The following ADAMTSL1 variants were observed in gnomAD, a reference collection of about 807,000 sequenced individuals.
The protein encoded by ADAMTSL1 is ADAMTS like 1, also known as ADAMTS-like protein 1.
A neutral mutation model predicts 201.8 loss-of-function variants in ADAMTSL1; 126 were observed. That is an observed-to-expected ratio of 0.62 (90% confidence interval 0.54 to 0.72). ADAMTSL1 has a LOEUF of 0.72. Ranked by LOEUF, ADAMTSL1 falls within the 30% of genes least tolerant of loss-of-function variation. The probability of loss-of-function intolerance (pLI) is 0.00; values close to 1 mark genes in which losing one functional copy is unlikely to be tolerated. For synonymous variants in ADAMTSL1, 1,121 were observed against 903.4 expected (o/e 1.24, Z -4.32); for missense variants, 2,679 against 2,277.8 (o/e 1.18, Z -3.59).
intron 2 of ADAMTSL1, among the ~76,000 whole-genome samples, chr9:18,185,379 C>T (rs890040404): frequency 6.6e-6 from 1 of 152,088 alleles, no homozygotes; most frequent in East Asian, 1.9e-4. Flanking sequence ...GTAAACACTT[C>T]CCCTGATGAG....
At chr9:17,998,968 C>T (rs1430345260) in intron 1 of ADAMTSL1, among the ~76,000 whole-genome samples, 1 of 151,972 alleles carries the variant, frequency 6.6e-6, no homozygotes, top group Non-Finnish European at 1.5e-5. Context: ...GGTGATGATA[C>T]ACTCTTTCCT....
At chr9:18,828,246 A>G (rs1010220262) in intron 22 of ADAMTSL1, among the ~76,000 whole-genome samples, 2 of 152,200 alleles carry the variant, frequency 1.3e-5, no homozygotes, top group African/African-American at 4.8e-5. Flanking sequence ...TCCTGGGAAG[A>G]GCAAATGGAC....
intron 1 of ADAMTSL1, among the ~76,000 whole-genome samples, chr9:17,965,324 A>C: frequency 6.6e-6 from 1 of 152,212 alleles, no homozygotes; most frequent in East Asian, 1.9e-4. Context: ...ACCCAAATTT[A>C]GCACATTTTG....
chr9:18,844,262 C>A (rs999983380), intron 23 of ADAMTSL1, among the ~76,000 whole-genome samples: 3 of 152,176 alleles, frequency 2.0e-5, no homozygotes, highest in Non-Finnish European at 4.4e-5. Flanking sequence ...CAGACAGGAC[C>A]CTCAGCTGCA....
At chr9:18,728,081 A>G (rs1587997154) in intron 15 of ADAMTSL1, among the ~76,000 whole-genome samples, 1 of 143,978 alleles carries the variant, frequency 6.9e-6, no homozygotes, top group African/African-American at 2.6e-5. Flanking sequence ...CTCTGTCTCA[A>G]AAATAAATAA....
chr9:18,633,284 G>T (rs554821216), intron 5 of ADAMTSL1, among the ~76,000 whole-genome samples: 2 of 152,148 alleles, frequency 1.3e-5, no homozygotes, highest in African/African-American at 2.4e-5. Flanking sequence ...TATGCAAGGC[G>T]TTTAAAGCTC....
intron 1 of ADAMTSL1, among the ~76,000 whole-genome samples, chr9:18,156,835 A>G (rs1827175947): frequency 6.6e-6 from 1 of 152,052 alleles, no homozygotes; most frequent in Admixed American, 6.6e-5. Flanking sequence ...TCTGAAGCAG[A>G]GTGTATTTAG....
At chr9:18,061,008 G>A (rs1047634213) in intron 1 of ADAMTSL1, among the ~76,000 whole-genome samples, 2 of 152,100 alleles carry the variant, frequency 1.3e-5, no homozygotes, top group South Asian at 4.1e-4. Context: ...TGTTACTCAT[G>A]GCAGTTTTCT....
At chr9:18,871,642 C>T (rs1439102022) in intron 23 of ADAMTSL1, among the ~76,000 whole-genome samples, 2 of 152,176 alleles carry the variant, frequency 1.3e-5, no homozygotes, top group Non-Finnish European at 2.9e-5. Flanking sequence ...ATTTTTCCAT[C>T]CACAGGGGTG....
At chr9:18,209,039 T>C (rs1258892565) in intron 2 of ADAMTSL1, among the ~76,000 whole-genome samples, 1 of 152,130 alleles carries the variant, frequency 6.6e-6, no homozygotes, top group Non-Finnish European at 1.5e-5. Flanking sequence ...TAAAGGAAAA[T>C]ATTATTTACC....
intron 1 of ADAMTSL1, among the ~76,000 whole-genome samples, chr9:18,029,799 C>T (rs188501328): frequency 6.6e-6 from 1 of 152,200 alleles, no homozygotes; most frequent in Non-Finnish European, 1.5e-5. Context: ...TGAAAAAACG[C>T]TCTTCATCAC....
At chr9:18,193,682 G>C (rs772369998) in intron 2 of ADAMTSL1, among the ~76,000 whole-genome samples, 2 of 152,096 alleles carry the variant, frequency 1.3e-5, no homozygotes, top group Non-Finnish European at 2.9e-5. Context: ...AAAAGGGAAA[G>C]GACAGGCCGT....
intron 2 of ADAMTSL1, among the ~76,000 whole-genome samples, chr9:18,295,426 C>G (rs1332224659): frequency 6.6e-6 from 1 of 151,924 alleles, no homozygotes; most frequent in Admixed American, 6.6e-5. Context: ...GCAACCTCAG[C>G]CTCCTGGGTT....
intron 1 of ADAMTSL1, among the ~76,000 whole-genome samples, chr9:18,073,453 C>T (rs1474772022): frequency 2.0e-5 from 3 of 152,164 alleles, no homozygotes; most frequent in Non-Finnish European, 2.9e-5. Context: ...AAGTATTTTT[C>T]ATGTGTACTT....
intron 4 of ADAMTSL1, among the ~76,000 whole-genome samples, chr9:18,585,658 A>G (rs1455651320): frequency 6.6e-6 from 1 of 152,154 alleles, no homozygotes; most frequent in Non-Finnish European, 1.5e-5. Context: ...CAAAAAAAGA[A>G]AACTTCAGAT....
chr9:18,602,489 T>C (rs918935677), intron 4 of ADAMTSL1, among the ~76,000 whole-genome samples: 11 of 152,230 alleles, frequency 7.2e-5, no homozygotes, highest in Admixed American at 2.6e-4. Context: ...AGGACCCACC[T>C]GGATTCAAGC....
At chr9:18,602,560 G>C (rs773404308) in intron 4 of ADAMTSL1, among the ~76,000 whole-genome samples, 1 of 152,134 alleles carries the variant, frequency 6.6e-6, no homozygotes, top group African/African-American at 2.4e-5. Context: ...TGCCTTTATT[G>C]TTCCAGGGTA....
chr9:18,833,764 A>G (rs1270850142), intron 23 of ADAMTSL1, among the ~76,000 whole-genome samples: 1 of 152,120 alleles, frequency 6.6e-6, no homozygotes, highest in Non-Finnish European at 1.5e-5. Flanking sequence ...ACCTTTGCCC[A>G]TGCCTATGTT....
At chr9:17,920,063 T>A (rs375433292) in intron 1 of ADAMTSL1, among the ~76,000 whole-genome samples, 2 of 152,176 alleles carry the variant, frequency 1.3e-5, no homozygotes, top group South Asian at 4.1e-4. Context: ...TGCATTTCTC[T>A]AATGACTAAT....
Sources: allele counts gnomAD v4.1 joint callset (sites outside exome capture counted in the v4.1 genomes callset), GRCh38; gene constraint gnomAD v4.1.1; transcripts MANE v1.5; gene names NCBI Gene and HGNC (gene_info 2026-07-23, HGNC 2026-07-21).